MBD5: variants seen among roughly 807,000 people sequenced by gnomAD.
MBD5 encodes the protein methyl-CpG-binding domain protein 5.
MBD5 carries 13 observed loss-of-function variants against 117.3 expected under a neutral mutation model. That is an observed-to-expected ratio of 0.11 (90% CI 0.07 to 0.18). The LOEUF is 0.18. Among genes scored for constraint, MBD5 ranks in the 10% least tolerant of loss-of-function variants. MBD5 has a pLI of 1.00. For synonymous variants in MBD5, 727 were observed against 766.4 expected (o/e 0.95, Z 0.85); for missense variants, 1,879 against 2,093.8 (o/e 0.90, Z 2.00).
intron 13 of MBD5, among the ~76,000 whole-genome samples, chr2:148,511,179 T>G (rs1682202615): frequency 6.6e-6 from 1 of 152,158 alleles, no homozygotes; most frequent in African/African-American, 2.4e-5. Flanking sequence ...GCATTTTGCC[T>G]TGAAGGTAAA....
chr2:148,144,767 G>T (rs1030515210), intron 1 of MBD5, among the ~76,000 whole-genome samples: 22 of 152,204 alleles, frequency 1.4e-4, no homozygotes, highest in African/African-American at 5.1e-4. Flanking sequence ...TAGATGTGTG[G>T]TATTATTTCT....
At chr2:148,474,898 C>T (rs1574467117) in intron 8 of MBD5, among the ~76,000 whole-genome samples, 2 of 152,130 alleles carry the variant, frequency 1.3e-5, no homozygotes, top group African/African-American at 4.8e-5. Context: ...CCTGTTTGTT[C>T]ATTTGTTCTT....
intron 4 of MBD5, among the ~76,000 whole-genome samples, chr2:148,392,341 G>A (rs1258398196): frequency 6.6e-6 from 1 of 152,156 alleles, no homozygotes; most frequent in East Asian, 1.9e-4. Context: ...ATAGATCAGT[G>A]TTTTTCAATT....
chr2:148,405,312 AT>A (rs1216751823), intron 4 of MBD5, among the ~76,000 whole-genome samples: 2 of 152,224 alleles, frequency 1.3e-5, no homozygotes, highest in Admixed American at 1.3e-4. Context: ...TCAAGGTGAT[AT>A]TTGAGCTAAA....
chr2:148,453,223 T>C (rs1706780729), intron 4 of MBD5, among the ~76,000 whole-genome samples: 1 of 152,138 alleles, frequency 6.6e-6, no homozygotes, highest in African/African-American at 2.4e-5. Context: ...TACATTACAG[T>C]CATTTTGACG....
intron 1 of MBD5, among the ~76,000 whole-genome samples, chr2:148,122,575 T>G (rs1026056871): frequency 1.3e-5 from 2 of 152,234 alleles, no homozygotes; most frequent in Non-Finnish European, 2.9e-5. Context: ...TAGAGTTACT[T>G]AGAAAATTGG....
intron 4 of MBD5, among the ~76,000 whole-genome samples, chr2:148,417,697 C>A (rs1384683191): frequency 6.6e-6 from 1 of 152,014 alleles, no homozygotes; most frequent in East Asian, 1.9e-4. Flanking sequence ...ATTTGCATTT[C>A]CCTGATTATT....
Position 148,468,421 on chromosome 2 carries a change from G to C in MBD5, c.478G>C (p.Val160Leu). 3 of 1,613,714 alleles carry C rather than the reference G, an allele frequency of 1.9e-6. No homozygotes were observed. The highest frequency in any genetic ancestry group is 2.5e-6 in the Non-Finnish European group (3 of 1,179,790). Reference protein sequence around the residue: ...NKSHEGITNSVMPECKNPFKL... With the variant: ...NKSHEGITNSLMPECKNPFKL... ...GTCTCATGAAGGAATTACAAATTCT[G>C]TAATGCCTGAATGTAAGAATCCTTT... Residue 160 changes from valine (V) to leucine (L), a missense_variant, in exon 8 of 14, where the codon GTA becomes CTA. By Grantham distance (32) the Val-to-Leu change is conservative. This residue lies in a region of MBD5 where 1,666 missense variants were observed against 1,792.2 expected (regional missense o/e 0.93). Coordinates refer to ENST00000642680, the MANE Select transcript of MBD5 (RefSeq NM_001378120.1).
At chr2:148,466,432 A>T (rs1412640634) in intron 7 of MBD5, among the ~76,000 whole-genome samples, 2 of 152,166 alleles carry the variant, frequency 1.3e-5, no homozygotes, top group African/African-American at 4.8e-5. Flanking sequence ...CTGTTAGTTG[A>T]ATATAAAAAT....
intron 13 of MBD5, among the ~76,000 whole-genome samples, chr2:148,511,693 A>G (rs1056771527): frequency 2.6e-5 from 4 of 152,230 alleles, no homozygotes; most frequent in Non-Finnish European, 2.9e-5. Flanking sequence ...TCTCAGTTAT[A>G]AAAAGTTTCT....
intron 8 of MBD5, among the ~76,000 whole-genome samples, chr2:148,482,467 A>T (rs1190042650): frequency 3.9e-5 from 6 of 152,074 alleles, no homozygotes; most frequent in East Asian, 1.9e-4. Flanking sequence ...TTCTATTTTT[A>T]AAAAATATAT....
At chr2:148,076,829 C>T (rs1343926807) in intron 1 of MBD5, among the ~76,000 whole-genome samples, 7 of 152,276 alleles carry the variant, frequency 4.6e-5, no homozygotes, top group East Asian at 3.9e-4. Flanking sequence ...GTGAATAAAA[C>T]GCATCCATCC....
intron 1 of MBD5, among the ~76,000 whole-genome samples, chr2:148,056,958 ATTT>A (rs1694883422): frequency 6.6e-6 from 1 of 151,588 alleles, no homozygotes; most frequent in South Asian, 2.1e-4. Context: ...AATACATTGT[ATTT>A]TTCTACGAAT....
At chr2:148,499,493 T>C (rs1181971981) in intron 11 of MBD5, among the ~76,000 whole-genome samples, 1 of 152,194 alleles carries the variant, frequency 6.6e-6, no homozygotes, top group Non-Finnish European at 1.5e-5. Flanking sequence ...AGATAAATGA[T>C]AAAGCCCTCT....
intron 1 of MBD5, among the ~76,000 whole-genome samples, chr2:148,064,738 T>C (rs564166989): frequency 2.0e-5 from 3 of 152,282 alleles, no homozygotes; most frequent in East Asian, 3.9e-4. Flanking sequence ...TGAAAAATAA[T>C]TGGAGGCTTT....
At chr2:148,367,038 G>A (rs576816506) in intron 4 of MBD5, among the ~76,000 whole-genome samples, 9 of 152,128 alleles carry the variant, frequency 5.9e-5, no homozygotes, top group Admixed American at 2.0e-4. Context: ...TAAGCAAAAA[G>A]AACAAAGCTG....
intron 2 of MBD5, among the ~76,000 whole-genome samples, chr2:148,232,098 C>A (rs978587278): frequency 2.6e-5 from 4 of 152,180 alleles, no homozygotes; most frequent in Non-Finnish European, 5.9e-5. Context: ...ACATTCCAAT[C>A]TGAGAGAAGA....
intron 3 of MBD5, among the ~76,000 whole-genome samples, chr2:148,327,507 A>G (rs975876685): frequency 6.6e-6 from 1 of 152,058 alleles, no homozygotes; most frequent in Admixed American, 6.6e-5. Flanking sequence ...GTCTTTTCAC[A>G]TAGTCCCATA....
At chr2:148,334,007 G>A (rs768747429) in intron 3 of MBD5, among the ~76,000 whole-genome samples, 3 of 152,082 alleles carry the variant, frequency 2.0e-5, no homozygotes, top group South Asian at 2.1e-4. Flanking sequence ...ATTCTTTTTA[G>A]TTTCTTCTTT....
Sources: gnomAD v4.1 joint callset for allele counts (sites outside exome capture counted in the v4.1 genomes callset) on GRCh38, gnomAD v4.1.1 for gene constraint, gnomAD v4.1.1 regional missense constraint, MANE v1.5 for transcripts, NCBI Gene and HGNC (gene_info 2026-07-23, HGNC 2026-07-21) for gene names.